Variants in TRAPPC9 observed in about 807,000 individuals in gnomAD.
The protein encoded by TRAPPC9 is IKK2 binding protein.
Under a neutral mutation model 124.0 loss-of-function variants are expected in TRAPPC9, and 83 were observed. The ratio of observed to expected loss-of-function variants is 0.67; its 90% CI spans 0.56 to 0.80. The LOEUF (loss-of-function observed/expected upper bound fraction) is 0.80. Among genes scored for constraint, TRAPPC9 ranks in the 30% least tolerant of loss-of-function variants. The probability of loss-of-function intolerance (pLI) is 0.00; values close to 1 mark genes in which losing one functional copy is unlikely to be tolerated. For missense variants in TRAPPC9, 1,302 were observed against 1,508.3 expected (o/e 0.86, Z 2.27); for synonymous variants, 638 against 617.5 (o/e 1.03, Z -0.49).
At chr8:139,786,265 T>A (rs1196024123) in intron 21 of TRAPPC9, among the ~76,000 whole-genome samples, 1 of 152,100 alleles carries the variant, frequency 6.6e-6, no homozygotes, top group African/African-American at 2.4e-5. Flanking sequence ...ATAGACGCCC[T>A]CCTAAGGAAG....
intron 19 of TRAPPC9, among the ~76,000 whole-genome samples, chr8:139,977,451 T>C (rs1371876407): frequency 6.6e-6 from 1 of 151,648 alleles, no homozygotes; most frequent in African/African-American, 2.4e-5. Context: ...ACCCCGTCTC[T>C]AGTAAAAATA....
At position 139,732,213 on chromosome 8, in the gene TRAPPC9, C is replaced by T. The variant is rs1192886215; in HGVS notation, c.3056-11G>A. 4 of 1,573,740 alleles carry T rather than the reference C, an allele frequency of 2.5e-6. No homozygotes were observed. In the Admixed American group the frequency reaches 7.0e-5, roughly 28 times the overall value. ...CGTCCACCAGCACATCTGTAAGGGACACGAGACTGTCGGGGGCTGGGCTGG... is the reference window on the plus strand; with the variant it reads ...CGTCCACCAGCACATCTGTAAGGGATACGAGACTGTCGGGGGCTGGGCTGG... On this transcript the variant is annotated splice_polypyrimidine_tract_variant and intron_variant, in intron 21 of 22. Transcript: ENST00000438773.
intron 14 of TRAPPC9, among the ~76,000 whole-genome samples, chr8:140,280,626 G>T (rs1047841533): frequency 1.3e-5 from 2 of 151,594 alleles, no homozygotes; most frequent in African/African-American, 2.4e-5. Context: ...TAGAGACAGG[G>T]TTTCACCATG....
intron 15 of TRAPPC9, among the ~76,000 whole-genome samples, chr8:140,267,095 C>A (rs971091490): frequency 2.6e-5 from 4 of 152,076 alleles, no homozygotes; most frequent in Admixed American, 2.6e-4. Context: ...GAGGAGAAAA[C>A]AAAGCAAGAA....
chr8:140,142,621 A>G (rs2061399428), intron 17 of TRAPPC9, among the ~76,000 whole-genome samples: 1 of 152,350 alleles, frequency 6.6e-6, no homozygotes, highest in Admixed American at 6.5e-5. Flanking sequence ...TCTTCCATGC[A>G]GTCTTCTCCT....
At chr8:140,007,037 G>A (rs1484851807) in intron 18 of TRAPPC9, among the ~76,000 whole-genome samples, 2 of 152,190 alleles carry the variant, frequency 1.3e-5, no homozygotes, top group African/African-American at 4.8e-5. Context: ...GATCCTGAGT[G>A]TACAGGAAGC....
chr8:139,762,986 G>A (rs1820342572), intron 21 of TRAPPC9, among the ~76,000 whole-genome samples: 1 of 152,224 alleles, frequency 6.6e-6, no homozygotes, highest in Non-Finnish European at 1.5e-5. Flanking sequence ...AGCTGCAGCC[G>A]GGGCAGGGCC....
chr8:140,455,555 C>A (rs887430945), intron 1 of TRAPPC9, among the ~76,000 whole-genome samples: 7 of 152,226 alleles, frequency 4.6e-5, no homozygotes, highest in African/African-American at 1.7e-4. Flanking sequence ...CTCAGCCTCC[C>A]AAGTAGCTGG....
intron 17 of TRAPPC9, among the ~76,000 whole-genome samples, chr8:140,062,042 C>T (rs1842649510): frequency 6.6e-6 from 1 of 152,206 alleles, no homozygotes; most frequent in Non-Finnish European, 1.5e-5. Flanking sequence ...AAACACAATA[C>T]ACGCACAGCC....
chr8:140,136,049 G>C (rs984272145), intron 17 of TRAPPC9, among the ~76,000 whole-genome samples: 5 of 151,984 alleles, frequency 3.3e-5, no homozygotes, highest in African/African-American at 1.2e-4. Context: ...GGGGCATGGG[G>C]AGAAAAAAAG....
intron 19 of TRAPPC9, among the ~76,000 whole-genome samples, chr8:139,954,026 A>G (rs996989852): frequency 6.6e-6 from 1 of 152,216 alleles, no homozygotes; most frequent in Admixed American, 6.5e-5. Context: ...GCCAGATCAA[A>G]GAGGAATAGT....
chr8:140,054,925 A>C (rs907751613), intron 17 of TRAPPC9, among the ~76,000 whole-genome samples: 1 of 152,260 alleles, frequency 6.6e-6, no homozygotes, highest in African/African-American at 2.4e-5. Flanking sequence ...CCAGCAAAGG[A>C]AATTCCAGGA....
At chr8:139,994,108 G>T (rs550308548) in intron 18 of TRAPPC9, among the ~76,000 whole-genome samples, 31 of 152,324 alleles carry the variant, frequency 2.0e-4, no homozygotes, top group African/African-American at 6.3e-4. Context: ...GTTAGCCTGG[G>T]ATCCCCCCAG....
intron 21 of TRAPPC9, among the ~76,000 whole-genome samples, chr8:139,744,084 C>T (rs1818733864): frequency 6.6e-6 from 1 of 152,238 alleles, no homozygotes; most frequent in Non-Finnish European, 1.5e-5. Flanking sequence ...TACGCATGAA[C>T]ACGCACTCAC....
At chr8:140,251,284 G>C (rs768297098) in intron 16 of TRAPPC9, among the ~76,000 whole-genome samples, 100 of 152,074 alleles carry the variant, frequency 6.6e-4, no homozygotes, top group Non-Finnish European at 1.2e-3. Flanking sequence ...CCCTTCTTGG[G>C]AAGAAGAAGT....
At chr8:140,053,311 G>C (rs1026428988) in intron 17 of TRAPPC9, among the ~76,000 whole-genome samples, 1 of 152,210 alleles carries the variant, frequency 6.6e-6, no homozygotes, top group Non-Finnish European at 1.5e-5. Context: ...CCAGGATGAG[G>C]CTGACCCAAT....
chr8:139,957,120 GC>G (rs1285242729), intron 19 of TRAPPC9, among the ~76,000 whole-genome samples: 1 of 152,234 alleles, frequency 6.6e-6, no homozygotes, highest in Non-Finnish European at 1.5e-5. Flanking sequence ...CCTCACAGGA[GC>G]TAAAAATAGC....
At chr8:140,034,481 G>A (rs1840749948) in intron 17 of TRAPPC9, among the ~76,000 whole-genome samples, 2 of 152,174 alleles carry the variant, frequency 1.3e-5, no homozygotes, top group African/African-American at 2.4e-5. Flanking sequence ...CACGGAGCAC[G>A]TTCCCTGCCT....
chr8:140,075,658 C>G (rs544495215), intron 17 of TRAPPC9, among the ~76,000 whole-genome samples: 1 of 152,224 alleles, frequency 6.6e-6, no homozygotes, highest in East Asian at 1.9e-4. Flanking sequence ...AAAGTGAGCA[C>G]GGCACAGCAT....
Sources: gnomAD v4.1 joint callset for allele counts (sites outside exome capture counted in the v4.1 genomes callset) on GRCh38, gnomAD v4.1.1 for gene constraint, MANE v1.5 for transcripts, NCBI Gene and HGNC (gene_info 2026-07-23, HGNC 2026-07-21) for gene names.